Variants in GNA12 observed in about 807,000 individuals in gnomAD.
GNA12 encodes the protein G protein subunit alpha 12.
Under a neutral mutation model 26.0 loss-of-function variants are expected in GNA12, and 9 were observed. The ratio of observed to expected loss-of-function variants is 0.35; its 90% CI spans 0.21 to 0.60. The LOEUF (loss-of-function observed/expected upper bound fraction) is 0.60. GNA12 is among the 20% of genes least tolerant of loss of function. The pLI is 0.78. For synonymous variants in GNA12, 264 were observed against 219.6 expected, an observed-to-expected ratio of 1.20 and a Z score of -1.79; for missense variants, 405 against 525.8, an observed-to-expected ratio of 0.77 and a Z score of 2.25.
chr7:2,731,538 C>T lies in GNA12; in HGVS notation c.789G>A (p.Glu263=), dbSNP rs1327830576. The part of the protein sequence containing the change: ...SSSEYDQVLM[E]DRRTNRLVES... Reference sequence around the variant, plus strand: ...CCACCAGCCGGTTGGTGCGCCTGTCCTCCATGAGGACCTGGTCGTACTCGC... The same window carrying T: ...CCACCAGCCGGTTGGTGCGCCTGTCTTCCATGAGGACCTGGTCGTACTCGC... Residue 263 remains glutamate, a synonymous_variant, in exon 4 of 4, where the codon GAG becomes GAA. Coordinates refer to ENST00000275364, the MANE Select transcript of GNA12 (RefSeq NM_007353.3). This position sits in a 1 kb window ranked among gnomAD's most constrained non-coding sequence, Gnocchi z 6.0. The T allele has an allele frequency of 1.4e-5, 23 of 1,611,400 alleles. No homozygotes were observed. The highest frequency in any genetic ancestry group is 2.0e-5 in the Non-Finnish European group (23 of 1,178,096).
chr7:2,734,756 C>G (rs369161657), intron 2 of GNA12, among the ~76,000 whole-genome samples: 2 of 152,330 alleles, frequency 1.3e-5, no homozygotes, highest in East Asian at 3.9e-4. Context: ...CACGTCTCCC[C>G]ATCCCAGCAC....
At chr7:2,812,920 G>A (rs1203257907) in intron 1 of GNA12, among the ~76,000 whole-genome samples, 1 of 152,182 alleles carries the variant, frequency 6.6e-6, no homozygotes, top group African/African-American at 2.4e-5. Context: ...AAAGAATCCA[G>A]TGACCTTTAC....
intron 2 of GNA12, among the ~76,000 whole-genome samples, chr7:2,743,083 G>A (rs557790783): frequency 3.3e-5 from 5 of 152,296 alleles, no homozygotes; most frequent in African/African-American, 9.6e-5. Context: ...ACTGCCAAGG[G>A]GTAAGGTGGG....
At chr7:2,770,671 C>A (rs1003764872) in intron 2 of GNA12, among the ~76,000 whole-genome samples, 28 of 122,380 alleles carry the variant, frequency 2.3e-4, no homozygotes, top group Admixed American at 2.4e-4. Flanking sequence ...AACAAAACAA[C>A]ACACAGAAAG....
intron 2 of GNA12, among the ~76,000 whole-genome samples, chr7:2,740,179 T>C (rs921130857): frequency 6.6e-6 from 1 of 152,214 alleles, no homozygotes; most frequent in African/African-American, 2.4e-5. Flanking sequence ...TTCTGGGTTT[T>C]CTGGCATTTC....
intron 2 of GNA12, among the ~76,000 whole-genome samples, chr7:2,743,809 G>C (rs1214989943): frequency 6.6e-6 from 1 of 152,044 alleles, no homozygotes; most frequent in African/African-American, 2.4e-5. Context: ...CTGGAAAATT[G>C]GGTCACTCCC....
At chr7:2,772,264 C>T (rs1338691668) in intron 2 of GNA12, among the ~76,000 whole-genome samples, 1 of 152,156 alleles carries the variant, frequency 6.6e-6, no homozygotes, top group Non-Finnish European at 1.5e-5. Flanking sequence ...AACAGATGTA[C>T]AAAAGGTGCC....
chr7:2,802,702 C>A (rs532021163), intron 1 of GNA12, among the ~76,000 whole-genome samples: 1 of 152,170 alleles, frequency 6.6e-6, no homozygotes, highest in Non-Finnish European at 1.5e-5. Context: ...AAAACCCACT[C>A]GGCTGAGTTG....
chr7:2,807,471 A>G (rs530303788), intron 1 of GNA12, among the ~76,000 whole-genome samples: 1 of 152,254 alleles, frequency 6.6e-6, no homozygotes, highest in South Asian at 2.1e-4. Flanking sequence ...CTGAGTTCTT[A>G]GAAGTTTCAA....
intron 2 of GNA12, among the ~76,000 whole-genome samples, chr7:2,742,533 G>C (rs1214367624): frequency 6.6e-6 from 1 of 152,136 alleles, no homozygotes; most frequent in East Asian, 1.9e-4. Context: ...TTTTCCAGGG[G>C]CTGTAATTCA....
At chr7:2,750,894 G>A (rs569758938) in intron 2 of GNA12, among the ~76,000 whole-genome samples, 92 of 152,296 alleles carry the variant, frequency 6.0e-4, no homozygotes, top group Non-Finnish European at 1.1e-3. Flanking sequence ...ATGAGGGTGC[G>A]AATGGAAAGG....
Position 2,843,914 on chromosome 7 carries a change from C to T in GNA12, c.248G>A (p.Arg83His), listed in dbSNP as rs1779088555. 1.9e-6 allele frequency: 3 copies of T among 1,585,652 alleles called. No homozygotes were observed. Among genetic ancestry groups the T allele is most frequent in the Middle Eastern group, 2.1e-4 (1 of 4,724 alleles). ...FLKQMRIIHG[R>H]EFDQKALLEF... ...CAGCAGCGCCTTCTGGTCGAACTCG[C>T]GGCCGTGGATGATGCGCATCTGCTT... The change falls in exon 1 of 4, where the codon CGC (arginine) becomes CAC (histidine). Residue 83 changes from arginine (R) to histidine (H), a missense_variant. Transcript: ENST00000275364.
In GNA12 at chr7:2,780,048, GTACATATATA is replaced by G. The variant is rs1480923191; in HGVS notation, c.525+14870_525+14879del. ...GTACTAGTTTTTTACACATTTCTGT[GTACATATATA>G]TATATATATATATATATATATATAT... is the stretch of plus-strand genomic sequence containing the variant. On this transcript the variant is annotated intron_variant, in intron 2 of 3. Coordinates refer to ENST00000275364, the MANE Select transcript of GNA12 (RefSeq NM_007353.3). Among the ~76,000 whole-genome samples the G allele has an allele frequency of 3.0e-3, 255 of 84,724 alleles. 9 individuals are homozygous for G. Among genetic ancestry groups the G allele is most frequent in the Admixed American group, 0.011 (92 of 8,576 alleles). 55.6% of individuals were successfully genotyped at this position (84,724 alleles called of 152,430 possible). A position where few individuals can be genotyped will look rare whatever the true frequency, so the allele number is the denominator to read the frequency against.
At chr7:2,820,401 CTT>C (rs35674433) in intron 1 of GNA12, among the ~76,000 whole-genome samples, 30 of 126,314 alleles carry the variant, frequency 2.4e-4, no homozygotes, top group Admixed American at 3.2e-4. Context: ...CTCAATAAAG[CTT>C]TTTTTTTTTT....
intron 2 of GNA12, among the ~76,000 whole-genome samples, chr7:2,780,007 G>T (rs1792181124): frequency 7.2e-6 from 1 of 138,774 alleles, no homozygotes; most frequent in Non-Finnish European, 1.5e-5. Context: ...TAGCTCAGTG[G>T]ATGTACTTAC....
At chr7:2,759,102 T>C (rs1288158656) in intron 2 of GNA12, among the ~76,000 whole-genome samples, 1 of 151,210 alleles carries the variant, frequency 6.6e-6, no homozygotes, top group South Asian at 2.1e-4. Flanking sequence ...ATTACACCAT[T>C]GCACTCAGCC....
chr7:2,769,150 C>T (rs762960618), intron 2 of GNA12, among the ~76,000 whole-genome samples: 31 of 152,076 alleles, frequency 2.0e-4, no homozygotes, highest in Non-Finnish European at 3.5e-4. Context: ...GTGATCCAAC[C>T]GTCTTGGCCT....
chr7:2,750,464 C>T (rs1341827289), intron 2 of GNA12, among the ~76,000 whole-genome samples: 1 of 152,202 alleles, frequency 6.6e-6, no homozygotes, highest in East Asian at 1.9e-4. Context: ...TTGAATAATA[C>T]CCAACCTTAT....
chr7:2,798,122 G>C (rs1381611758), intron 1 of GNA12, among the ~76,000 whole-genome samples: 1 of 151,948 alleles, frequency 6.6e-6, no homozygotes, highest in Non-Finnish European at 1.5e-5. Flanking sequence ...ATTCAACATG[G>C]TTCTGGAAGT....
Sources: allele counts gnomAD v4.1 joint callset (sites outside exome capture counted in the v4.1 genomes callset), GRCh38; gene constraint gnomAD v4.1.1; non-coding constraint Gnocchi (gnomAD v3.1); transcripts MANE v1.5; gene names NCBI Gene and HGNC (gene_info 2026-07-23, HGNC 2026-07-21).